The following RTN1 variants were observed in gnomAD, a reference collection of about 807,000 sequenced individuals.
The protein encoded by RTN1 is reticulon-1.
A neutral mutation model predicts 65.5 loss-of-function variants in RTN1; 25 were observed. That is an observed-to-expected ratio of 0.38 (90% confidence interval 0.28 to 0.53). The LOEUF (loss-of-function observed/expected upper bound fraction) is 0.53. Among genes scored for constraint, RTN1 ranks in the 20% least tolerant of loss-of-function variants. The pLI is 0.79. For missense variants in RTN1, 983 were observed against 1,025.4 expected (o/e 0.96, Z 0.57); for synonymous variants, 471 against 447.6 (o/e 1.05, Z -0.66).
chr14:59,695,000 T>C (rs1289329528), intron 3 of RTN1, among the ~76,000 whole-genome samples: 1 of 152,190 alleles, frequency 6.6e-6, no homozygotes, highest in Admixed American at 6.5e-5. Context: ...TGGGGCTTCT[T>C]AGTATTCTTT....
chr14:59,740,566 AT>A (rs1885096823), intron 2 of RTN1, among the ~76,000 whole-genome samples: 1 of 152,164 alleles, frequency 6.6e-6, no homozygotes, highest in Non-Finnish European at 1.5e-5. Context: ...GTCTTGCTTT[AT>A]TTACTCAAGA....
intron 2 of RTN1, among the ~76,000 whole-genome samples, chr14:59,731,239 T>G (rs1461492502): frequency 6.6e-6 from 1 of 152,116 alleles, no homozygotes; most frequent in Non-Finnish European, 1.5e-5. Flanking sequence ...GTGAAATAAG[T>G]CAGTCACAAA....
At chr14:59,641,215 A>AC (rs1882773944) in intron 3 of RTN1, among the ~76,000 whole-genome samples, 1 of 152,198 alleles carries the variant, frequency 6.6e-6, no homozygotes, top group African/African-American at 2.4e-5. Context: ...ACATCCACCC[A>AC]CCTTGGCCTC....
Position 59,727,560 on chromosome 14 carries a change from C to T in RTN1, c.1124G>A (p.Arg375Gln). The change falls in exon 3 of 9, where the codon CGG becomes CAG. Residue 375 changes from arginine to glutamine, a missense_variant. Physicochemically the swap from Arg to Gln is conservative, Grantham distance 43 (BLOSUM62 1). Coordinates refer to ENST00000267484, the MANE Select transcript of RTN1 (RefSeq NM_021136.3). The surrounding 1 kb of genome is among the most constrained non-coding windows in gnomAD (Gnocchi z 4.2). ...CCTGTCGGCCAGCTGGCCCACCGGC[C>T]GTGGGTTCTCGGCGGTTTCATACGA... ...GLSYETAENPRPVGQLADRPE... is the reference protein window; with the variant it reads ...GLSYETAENPQPVGQLADRPE... 2.5e-6 allele frequency: 4 copies of T among 1,611,702 alleles called. No individual in the cohort carries two copies. Among genetic ancestry groups the T allele is most frequent in the Non-Finnish European group, 3.4e-6 (4 of 1,179,394 alleles).
chr14:59,669,514 G>T (rs1285510313), intron 3 of RTN1, among the ~76,000 whole-genome samples: 1 of 152,102 alleles, frequency 6.6e-6, no homozygotes, highest in African/African-American at 2.4e-5. Flanking sequence ...TAAATGATGA[G>T]TTGATGGATG....
chr14:59,727,340 G>C lies in RTN1; in HGVS notation c.1344C>G (p.Ser448=). The C allele has an allele frequency of 6.6e-7, 1 of 1,517,668 alleles. No individual in the cohort carries two copies. The highest frequency in any genetic ancestry group is 8.8e-7 in the Non-Finnish European group (1 of 1,131,254). The allele number at this position is 1,517,668 out of a possible 1,614,324, so 94.0% of individuals were successfully genotyped here. A position where few individuals can be genotyped will look rare whatever the true frequency, so the allele number is the denominator to read the frequency against. ...GGPPPSPASP[S]IQYSILREER... is the part of the protein sequence containing the mutation. ...CCTCCCTCAGGATGCTGTACTGGAT[G>C]GATGGCGAGGCGGGCGAGGGCGGCG... Residue 448 remains serine, a synonymous_variant, in exon 3 of 9, where the codon TCC becomes TCG. Transcript: ENST00000267484. The surrounding 1 kb of genome is among the most constrained non-coding windows in gnomAD (Gnocchi z 4.2).
chr14:59,726,259 A>G (rs943083347), intron 3 of RTN1, among the ~76,000 whole-genome samples: 3 of 152,248 alleles, frequency 2.0e-5, no homozygotes, highest in Non-Finnish European at 4.4e-5. Flanking sequence ...TAGGGAGAAC[A>G]TAATGACCAC....
At chr14:59,850,002 C>T (rs536488954) in intron 1 of RTN1, among the ~76,000 whole-genome samples, 1 of 152,272 alleles carries the variant, frequency 6.6e-6, no homozygotes, top group African/African-American at 2.4e-5. Context: ...CAAGCCTCTC[C>T]TTTCACCGCC....
At chr14:59,716,986 CAAAAAAA>C (rs67370818) in intron 3 of RTN1, among the ~76,000 whole-genome samples, 13 of 119,642 alleles carry the variant, frequency 1.1e-4, no homozygotes, top group East Asian at 2.6e-4. Flanking sequence ...AACAAACAAA[CAAAAAAA>C]AAAAAAAAAA....
chr14:59,707,672 C>A (rs1329672492), intron 3 of RTN1, among the ~76,000 whole-genome samples: 1 of 149,546 alleles, frequency 6.7e-6, no homozygotes, highest in Admixed American at 6.7e-5. Context: ...CTTGATAATT[C>A]TCTCTCTCTC....
intron 3 of RTN1, among the ~76,000 whole-genome samples, chr14:59,684,159 CTT>C (rs890185197): frequency 6.6e-6 from 1 of 151,964 alleles, no homozygotes; most frequent in African/African-American, 2.4e-5. Flanking sequence ...ACTCTTCTAA[CTT>C]TTTTTATTTT....
chr14:59,845,576 C>T (rs996851163), intron 1 of RTN1, among the ~76,000 whole-genome samples: 3 of 152,134 alleles, frequency 2.0e-5, no homozygotes, highest in Non-Finnish European at 4.4e-5. Context: ...TTTATAAACA[C>T]AAATCTGAGA....
chr14:59,746,920 C>A (rs921697401), intron 1 of RTN1, among the ~76,000 whole-genome samples: 1 of 152,170 alleles, frequency 6.6e-6, no homozygotes, highest in Non-Finnish European at 1.5e-5. Context: ...TGACTGGGTA[C>A]AGGAGCTGCT....
Position 59,769,975 on chromosome 14 carries a change from G to A in RTN1, c.242-23494C>T, listed in dbSNP as rs146993658. 1.0e-3 allele frequency among the ~76,000 whole-genome samples: 154 copies of A among 152,298 alleles called. 1 individual carries two copies. Among genetic ancestry groups the A allele is most frequent in the African/African-American group, 3.6e-3 (150 of 41,574 alleles). ...CTTTCCCAGGCAGAGAACATGGAAT[G>A]AGCAAAGCCATGGGAAGTCTGACTC... On this transcript the variant is annotated intron_variant, in intron 1 of 8. Transcript: ENST00000267484.
chr14:59,725,420 C>T lies in RTN1; in HGVS notation c.1765+1499G>A, dbSNP rs538753838. On this transcript the variant is annotated intron_variant, in intron 3 of 8. Transcript: ENST00000267484. ...GACTCAAGCTTGACTGTTTTGGGGC[C>T]CCAAGGGGCTGAAGGTTGTTCATGT... Among the ~76,000 whole-genome samples the T allele has an allele frequency of 9.9e-5, 15 of 152,276 alleles. No individual in the cohort carries two copies. The South Asian group carries it at 2.9e-3, about 29-fold the overall frequency.
intron 1 of RTN1, among the ~76,000 whole-genome samples, chr14:59,805,583 C>A (rs1886621229): frequency 6.6e-6 from 1 of 152,150 alleles, no homozygotes; most frequent in South Asian, 2.1e-4. Flanking sequence ...TTAATAATTA[C>A]ACACATAAAA....
At chr14:59,657,794 G>A (rs1883153948) in intron 3 of RTN1, among the ~76,000 whole-genome samples, 1 of 152,190 alleles carries the variant, frequency 6.6e-6, no homozygotes, top group African/African-American at 2.4e-5. Flanking sequence ...AGGGCCATGG[G>A]TTTCAAGCAC....
Position 59,749,228 on chromosome 14 carries a change from C to A in RTN1, c.242-2747G>T, listed in dbSNP as rs1217093741. Among the ~76,000 whole-genome samples, 52 of 38,630 alleles carry A rather than the reference C, an allele frequency of 1.3e-3. 2 individuals are homozygous for A. Among genetic ancestry groups the A allele is most frequent in the African/African-American group, 2.4e-3 (10 of 4,196 alleles). The allele number at this position is 38,630 out of a possible 152,430, so 25.3% of individuals were successfully genotyped here. On this transcript the variant is annotated intron_variant, in intron 1 of 8. Transcript: ENST00000267484. ...TATATATCTATATATATCTATATAT[C>A]TATATATATCTATATATATCTATAT... is the stretch of plus-strand genomic sequence containing the variant.
At chr14:59,706,513 T>G (rs1408104114) in intron 3 of RTN1, among the ~76,000 whole-genome samples, 1 of 151,868 alleles carries the variant, frequency 6.6e-6, no homozygotes, top group Non-Finnish European at 1.5e-5. Context: ...GAGGGGAAAG[T>G]TCTCCCTACA....
Sources: gnomAD v4.1 joint callset for allele counts (sites outside exome capture counted in the v4.1 genomes callset) on GRCh38, gnomAD v4.1.1 for gene constraint, Gnocchi (gnomAD v3.1) non-coding constraint, MANE v1.5 for transcripts, NCBI Gene and HGNC (gene_info 2026-07-23, HGNC 2026-07-21) for gene names.